SMOC2: variants seen among roughly 807,000 people sequenced by gnomAD.
SMOC2 encodes the protein SPARC-related modular calcium-binding protein 2.
SMOC2 carries 39 observed loss-of-function variants against 61.4 expected under a neutral mutation model. The observed-to-expected ratio is 0.64, with a 90% CI of 0.49 to 0.83. The LOEUF is 0.83. Ranked by LOEUF, SMOC2 falls within the 40% of genes least tolerant of loss-of-function variation. SMOC2 has a pLI of 0.00. For synonymous variants in SMOC2, 247 were observed against 239.9 expected (o/e 1.03, Z -0.27); for missense variants, 556 against 592.9 (o/e 0.94, Z 0.65).
intron 2 of SMOC2, among the ~76,000 whole-genome samples, chr6:168,525,803 G>A (rs1003569786): frequency 1.6e-4 from 25 of 152,290 alleles, no homozygotes; most frequent in Admixed American, 5.2e-4. Context: ...TCAGTGGGAC[G>A]GTGCCCTGGG....
At chr6:168,570,221 G>T (rs16887137) in intron 7 of SMOC2, among the ~76,000 whole-genome samples, 5 of 151,954 alleles carry the variant, frequency 3.3e-5, no homozygotes, top group African/African-American at 1.2e-4. Flanking sequence ...GCAGCCGAAT[G>T]GGAATAGAAC....
chr6:168,591,582 G>A (rs1785181770), intron 7 of SMOC2, among the ~76,000 whole-genome samples: 1 of 150,254 alleles, frequency 6.7e-6, no homozygotes, highest in Non-Finnish European at 1.5e-5. Context: ...TGTAATGTGG[G>A]AGAATAATAA....
intron 1 of SMOC2, among the ~76,000 whole-genome samples, chr6:168,442,620 T>A (rs1781241181): frequency 6.6e-6 from 1 of 152,222 alleles, no homozygotes; most frequent in African/African-American, 2.4e-5. Context: ...CCTAAAGGTG[T>A]TTATTGTATT....
At chr6:168,649,447 G>A (rs1787135716) in intron 9 of SMOC2, among the ~76,000 whole-genome samples, 2 of 152,218 alleles carry the variant, frequency 1.3e-5, no homozygotes, top group African/African-American at 4.8e-5. Context: ...TGAGAGTGCA[G>A]CGTGGCTCAG....
chr6:168,518,385 ATGTG>A (rs201446140), intron 2 of SMOC2, among the ~76,000 whole-genome samples: 1 of 149,086 alleles, frequency 6.7e-6, no homozygotes, highest in Non-Finnish European at 1.5e-5. Flanking sequence ...CATTGTGTGC[ATGTG>A]TGATTGTGTA....
intron 7 of SMOC2, among the ~76,000 whole-genome samples, chr6:168,574,089 G>T (rs142092740): frequency 6.6e-6 from 1 of 152,210 alleles, no homozygotes; most frequent in Non-Finnish European, 1.5e-5. Context: ...GGAAACAAGC[G>T]CACTCAATAT....
intron 1 of SMOC2, among the ~76,000 whole-genome samples, chr6:168,487,259 C>T (rs1389448120): frequency 6.6e-6 from 1 of 152,198 alleles, no homozygotes; most frequent in Non-Finnish European, 1.5e-5. Flanking sequence ...ATGGGGAAAG[C>T]TCCAACTTAA....
intron 9 of SMOC2, among the ~76,000 whole-genome samples, chr6:168,624,658 AG>A: frequency 9.1e-6 from 1 of 110,260 alleles, no homozygotes; most frequent in Admixed American, 8.8e-5. Flanking sequence ...ACACAGACAC[AG>A]ACGCACACAC....
chr6:168,558,871 A>ATGG (rs1554239912), intron 7 of SMOC2, among the ~76,000 whole-genome samples: 2 of 148,616 alleles, frequency 1.3e-5, no homozygotes, highest in Non-Finnish European at 3.0e-5. Flanking sequence ...ATGTGTGTGC[A>ATGG]TGTGTGTGCG....
At chr6:168,490,290 G>A (rs1782444306) in intron 1 of SMOC2, among the ~76,000 whole-genome samples, 1 of 152,082 alleles carries the variant, frequency 6.6e-6, no homozygotes. Context: ...AATCGTCTGG[G>A]TCCCCTTGGA....
intron 1 of SMOC2, among the ~76,000 whole-genome samples, chr6:168,442,937 C>T (rs1031277453): frequency 1.3e-5 from 2 of 152,226 alleles, no homozygotes; most frequent in African/African-American, 4.8e-5. Flanking sequence ...AGGGGGCCCT[C>T]AGAGGATACT....
chr6:168,527,436 T>A (rs1455063114), intron 3 of SMOC2, among the ~76,000 whole-genome samples, 192 bp from the exon 4 acceptor site: 2 of 152,194 alleles, frequency 1.3e-5, no homozygotes, highest in Non-Finnish European at 2.9e-5. Context: ...TGGGCCCCTT[T>A]TATCTCTAAA....
chr6:168,655,955 A>G (rs1464119663), intron 11 of SMOC2, among the ~76,000 whole-genome samples: 2 of 151,212 alleles, frequency 1.3e-5, no homozygotes, highest in South Asian at 4.2e-4. Context: ...GATCCCCCGT[A>G]TGTGTGTGCT....
At chr6:168,511,964 A>G (rs1783020200) in intron 2 of SMOC2, among the ~76,000 whole-genome samples, 2 of 152,138 alleles carry the variant, frequency 1.3e-5, no homozygotes, top group Non-Finnish European at 2.9e-5. Flanking sequence ...TGATTGTATT[A>G]TACATCTGAG....
intron 4 of SMOC2, among the ~76,000 whole-genome samples, chr6:168,537,616 C>G (rs1019833593): frequency 6.6e-6 from 1 of 152,238 alleles, no homozygotes; most frequent in African/African-American, 2.4e-5. Context: ...AGGACTCACC[C>G]CAGGAGGCCG....
In SMOC2 at chr6:168,574,475, G is replaced by C. The variant is rs914124527; in HGVS notation, c.638-24343G>C. 3.9e-5 allele frequency among the ~76,000 whole-genome samples: 6 copies of C among 152,354 alleles called. No homozygotes were observed. The East Asian group carries it at 1.2e-3, about 29-fold the overall frequency. On this transcript the variant is annotated intron_variant, in intron 7 of 12. Coordinates refer to ENST00000356284, the MANE Select transcript of SMOC2 (RefSeq NM_001166412.2). ...CCCTGGGAGAGTGAACCTTCCCGCC[G>C]GGCCTTGGGGAGTTGGAGAATATTC...
intron 9 of SMOC2, among the ~76,000 whole-genome samples, chr6:168,638,608 T>C (rs2115257897): frequency 6.6e-6 from 1 of 152,236 alleles, no homozygotes; most frequent in South Asian, 2.1e-4. Flanking sequence ...AGGAGGAGGC[T>C]GGGAAGGCCC....
intron 11 of SMOC2, among the ~76,000 whole-genome samples, chr6:168,660,337 C>T (rs1454703935): frequency 6.6e-6 from 1 of 152,178 alleles, no homozygotes; most frequent in East Asian, 1.9e-4. Context: ...GTTGTCAGTT[C>T]CTTCTAGGAC....
In SMOC2 at chr6:168,467,338, G is replaced by A. The variant is rs374735360; in HGVS notation, c.84+25884G>A. Among the ~76,000 whole-genome samples the A allele has an allele frequency of 1.2e-4, 18 of 149,350 alleles. No homozygotes were observed. The South Asian group carries it at 2.1e-3, about 18-fold the overall frequency. ...TTTTTTTTTTCAGAGATGGAGTCTC[G>A]CCCTGTCGCCCAGGCTGGAGTGCAG... On this transcript the variant is annotated intron_variant, in intron 1 of 12. Coordinates refer to ENST00000356284, the MANE Select transcript of SMOC2 (RefSeq NM_001166412.2).
Sources: allele counts gnomAD v4.1 joint callset (sites outside exome capture counted in the v4.1 genomes callset), GRCh38; gene constraint gnomAD v4.1.1; transcripts MANE v1.5; gene names NCBI Gene and HGNC (gene_info 2026-07-23, HGNC 2026-07-21).